The following AK5 variants were observed in gnomAD, a reference collection of about 807,000 sequenced individuals.
The protein encoded by AK5 is adenylate kinase 5, also known as adenylate kinase isoenzyme 5.
Under a neutral mutation model 69.5 loss-of-function variants are expected in AK5, and 27 were observed. The observed-to-expected ratio is 0.39, with a 90% confidence interval of 0.29 to 0.54. The LOEUF (loss-of-function observed/expected upper bound fraction) is 0.54, where lower values mean the gene tolerates loss of function less well. Among genes scored for constraint, AK5 ranks in the 20% least tolerant of loss-of-function variants. The probability of loss-of-function intolerance (pLI) is 0.71; values close to 1 mark genes in which losing one functional copy is unlikely to be tolerated. For synonymous variants in AK5, 260 were observed against 244.4 expected, an observed-to-expected ratio of 1.06 and a Z score of -0.60; for missense variants, 531 against 700.4, an observed-to-expected ratio of 0.76 and a Z score of 2.73.
At chr1:77,482,258 G>C (rs1557625155) in intron 8 of AK5, among the ~76,000 whole-genome samples, 1 of 152,208 alleles carries the variant, frequency 6.6e-6, no homozygotes. Flanking sequence ...TACAGGTGAA[G>C]ACATAGGTGA....
At chr1:77,283,310 G>T in intron 1 of AK5, 1 of 985,408 alleles carries the variant, frequency 1.0e-6, no homozygotes. Context: ...GAGGAGAAAA[G>T]AATAGAAGCA....
chr1:77,371,063 G>C (rs1647112432), intron 6 of AK5, among the ~76,000 whole-genome samples: 1 of 152,196 alleles, frequency 6.6e-6, no homozygotes, highest in Non-Finnish European at 1.5e-5. Context: ...GACCCAGAGA[G>C]GATGTGGGTA....
chr1:77,282,679 C>G, intron 1 of AK5: 1 of 1,140,256 alleles, frequency 8.8e-7, no homozygotes, highest in South Asian at 3.1e-5. Flanking sequence ...GGGCTGCAGA[C>G]CGCGGCCGGG....
At chr1:77,362,784 G>A (rs961621243) in intron 6 of AK5, among the ~76,000 whole-genome samples, 2 of 152,158 alleles carry the variant, frequency 1.3e-5, no homozygotes, top group Non-Finnish European at 2.9e-5. Flanking sequence ...AAAGCATAAT[G>A]TTCAGTGTTG....
chr1:77,377,499 A>G (rs986759268), intron 6 of AK5, among the ~76,000 whole-genome samples: 9 of 152,014 alleles, frequency 5.9e-5, no homozygotes, highest in African/African-American at 1.9e-4. Flanking sequence ...CCTCCCTCCC[A>G]TGCCATCTTT....
intron 13 of AK5, among the ~76,000 whole-genome samples, chr1:77,542,394 A>G (rs1338548601): frequency 6.6e-6 from 1 of 152,216 alleles, no homozygotes; most frequent in Non-Finnish European, 1.5e-5. Context: ...AAAACAAAAC[A>G]GAATGCATTG....
chr1:77,499,118 CCAGTGATTAAGGAGT>C (rs1656539507), intron 10 of AK5, among the ~76,000 whole-genome samples: 1 of 152,176 alleles, frequency 6.6e-6, no homozygotes, highest in African/African-American at 2.4e-5. Flanking sequence ...GAGTAACAAG[CCAGTGATTAAGGAGT>C]CAGTGACTAT....
At chr1:77,293,613 CA>C in intron 2 of AK5, 179 bp from the exon 3 acceptor site, 1 of 505,720 alleles carries the variant, frequency 2.0e-6, no homozygotes, top group South Asian at 3.9e-5. Context: ...TCTCAAAGCC[CA>C]AAATATTGAC....
chr1:77,439,953 G>A (rs1652218223), intron 8 of AK5, among the ~76,000 whole-genome samples: 1 of 151,908 alleles, frequency 6.6e-6, no homozygotes, highest in African/African-American at 2.4e-5. Context: ...CTGCTTTCTG[G>A]GGTTTTGTAT....
chr1:77,490,933 A>G (rs973294801), intron 10 of AK5, among the ~76,000 whole-genome samples: 5 of 152,158 alleles, frequency 3.3e-5, no homozygotes, highest in African/African-American at 1.2e-4. Context: ...AAGCTTGGGT[A>G]GAAGTGCTCC....
At chr1:77,347,934 T>C (rs899850488) in intron 6 of AK5, among the ~76,000 whole-genome samples, 4 of 152,280 alleles carry the variant, frequency 2.6e-5, no homozygotes, top group Middle Eastern at 3.4e-3. Flanking sequence ...ACTCAGCAAA[T>C]GCATCTCTCT....
intron 1 of AK5, among the ~76,000 whole-genome samples, chr1:77,285,544 A>G (rs966119361): frequency 5.3e-5 from 8 of 152,232 alleles, no homozygotes; most frequent in Admixed American, 4.6e-4. Flanking sequence ...TATACTAACA[A>G]TGTATATTGG....
intron 1 of AK5, chr1:77,283,101 A>G (rs2689680): frequency 0.51 from 504,277 of 985,372 alleles, 129,757 homozygotes; most frequent in East Asian, 0.79. Context: ...TTCAGACCGC[A>G]GCACAGCATC....
chr1:77,367,694 T>TTATATATAA (rs770347533), intron 6 of AK5, among the ~76,000 whole-genome samples: 2 of 59,800 alleles, frequency 3.3e-5, no homozygotes, highest in Admixed American at 2.6e-4. Context: ...TATATATACG[T>TTATATATAA]TATATGTTAT....
At position 77,499,869 on chromosome 1, in the gene AK5, C is replaced by CTTTTTTTT. The variant is rs749712310; in HGVS notation, c.1147+13517_1147+13518insTTTTTTTT. On this transcript the variant is annotated intron_variant, in intron 10 of 13. Coordinates refer to ENST00000354567, the MANE Select transcript of AK5 (RefSeq NM_174858.3). ...GATGACAGAGACCATGCCCTTTTTCCATTTTTTTTTTTTTTTTTTTTTTTT... is the reference window on the plus strand; with the variant it reads ...GATGACAGAGACCATGCCCTTTTTCCTTTTTTTTATTTTTTTTTTTTTTTTTTTTTTTT... Among the ~76,000 whole-genome samples the CTTTTTTTT allele has an allele frequency of 3.0e-3, 237 of 78,786 alleles. 41 individuals are homozygous for CTTTTTTTT. The highest frequency in any genetic ancestry group is 0.026 in the Middle Eastern group (2 of 78). 51.7% of individuals were successfully genotyped at this position (78,786 alleles called of 152,430 possible).
chr1:77,512,689 A>G (rs1272896570), intron 10 of AK5, among the ~76,000 whole-genome samples: 1 of 152,138 alleles, frequency 6.6e-6, no homozygotes, highest in African/African-American at 2.4e-5. Flanking sequence ...ACTATAAATC[A>G]TGCTGCTATA....
intron 10 of AK5, among the ~76,000 whole-genome samples, chr1:77,516,103 G>A (rs1184584907): frequency 6.6e-6 from 1 of 152,056 alleles, no homozygotes; most frequent in African/African-American, 2.4e-5. Flanking sequence ...AGATGAATGG[G>A]TAAAAAAATG....
At chr1:77,447,284 T>C (rs1874819) in intron 8 of AK5, among the ~76,000 whole-genome samples, 39,018 of 152,136 alleles carry the variant, frequency 0.26, 5,263 homozygotes, top group South Asian at 0.39. Context: ...GTCAGAAATG[T>C]CCTTCATAGC....
Position 77,336,468 on chromosome 1 carries a change from A to C in AK5, c.700-3909A>C, listed in dbSNP as rs150302857. On this transcript the variant is annotated intron_variant, in intron 5 of 13. Coordinates refer to ENST00000354567, the MANE Select transcript of AK5 (RefSeq NM_174858.3). ...AATAAAAACTCTATGCCTTAACTTC[A>C]TCCCCTCATTTTTAAACTTTTTTGT... 6.0e-3 allele frequency among the ~76,000 whole-genome samples: 919 copies of C among 152,248 alleles called. 4 individuals are homozygous for C. The highest frequency in any genetic ancestry group is 9.9e-3 in the Non-Finnish European group (670 of 68,006).
Sources: gnomAD v4.1 joint callset for allele counts (sites outside exome capture counted in the v4.1 genomes callset) on GRCh38, gnomAD v4.1.1 for gene constraint, MANE v1.5 for transcripts, NCBI Gene and HGNC (gene_info 2026-07-23, HGNC 2026-07-21) for gene names.